NXF3: variants seen among roughly 807,000 people sequenced by gnomAD.
The protein encoded by NXF3 is nuclear RNA export factor 3, also known as TAP-like protein 3.
In NXF3, 34 loss-of-function variants were observed where a neutral mutation model predicts 48.4. The observed-to-expected ratio is 0.70, with a 90% CI of 0.53 to 0.93. The LOEUF is 0.93. NXF3 is among the 40% of genes least tolerant of loss of function. The pLI is 0.00. For missense variants in NXF3, 359 were observed against 406.1 expected (o/e 0.88, Z 1.00); for synonymous variants, 132 against 145.7 (o/e 0.91, Z 0.68).
At position 103,086,773 on chromosome X, in the gene NXF3, CACTG is replaced by C. The variant is rs200970082; in HGVS notation, c.29-1894_29-1891del. On this transcript the variant is annotated intron_variant, in intron 1 of 19. Coordinates refer to ENST00000395065, the MANE Select transcript of NXF3 (RefSeq NM_022052.2). ...AATGGCACGATTCATACCATTTACA[CACTG>C]ACTGACTGAAAGCTTATGTAACCAT... Among the ~76,000 whole-genome samples, 642 of 110,539 alleles carry C rather than the reference CACTG, an allele frequency of 5.8e-3. 7 individuals carry two copies. The highest frequency in any genetic ancestry group is 0.02 in the African/African-American group (598 of 30,378).
In NXF3 at chrX:103,082,355, C is replaced by G; in HGVS notation, c.790G>C (p.Ala264Pro). ...HEENIPTVMSAGEMDKWKGIE... is the reference protein window; with the variant it reads ...HEENIPTVMSPGEMDKWKGIE... ...CCTTTCCACTTGTCCATCTCCCCTG[C>G]AGACATCACCTGCAATTATGCAGAA... The change falls in exon 9 of 20, where the codon GCA (alanine) becomes CCA (proline). Residue 264 changes from alanine (A) to proline (P), a missense_variant. Ala to Pro is a conservative substitution (Grantham distance 27, BLOSUM62 -1). Coordinates refer to ENST00000395065, the MANE Select transcript of NXF3 (RefSeq NM_022052.2). The G allele has an allele frequency of 4.2e-6, 5 of 1,187,708 alleles. No homozygotes were observed. The highest frequency in any genetic ancestry group is 5.7e-6 in the Non-Finnish European group (5 of 874,777).
At chrX:103,082,885 G>A (rs1218068874) in intron 7 of NXF3, 37 bp from the exon 8 acceptor site, 2 of 1,166,401 alleles carry the variant, frequency 1.7e-6, no homozygotes, top group Admixed American at 4.3e-5. Context: ...AGAAGTCTGA[G>A]AGGGACCCGC....
intron 1 of NXF3, chrX:103,088,718 T>C (rs1452900531): frequency 2.9e-6 from 3 of 1,041,024 alleles, no homozygotes; most frequent in Admixed American, 5.5e-5. Flanking sequence ...TTTTTGCTGT[T>C]AATATTTGTA....
intron 1 of NXF3, 148 bp from the exon 2 acceptor site, chrX:103,085,031 C>T: frequency 1.9e-6 from 1 of 526,855 alleles, no homozygotes; most frequent in East Asian, 3.6e-5. Context: ...GTGGCATGAT[C>T]ACCACTCACT....
chrX:103,079,737 A>G, intron 13 of NXF3, 26 bp downstream of exon 13: 1 of 1,199,369 alleles, frequency 8.3e-7, no homozygotes. Context: ...ATGGCCCTGG[A>G]CCAGGGTCGG....
intron 1 of NXF3, among the ~76,000 whole-genome samples, chrX:103,090,625 G>A (rs982892709): frequency 6.2e-4 from 70 of 112,028 alleles, no homozygotes; most frequent in African/African-American, 2.2e-3. Flanking sequence ...TTGAGAATGT[G>A]GATAAAAGAA....
intron 1 of NXF3, among the ~76,000 whole-genome samples, chrX:103,091,856 A>G (rs1410592826): frequency 2.8e-5 from 3 of 108,342 alleles, no homozygotes; most frequent in African/African-American, 1.0e-4. Flanking sequence ...ATGGTGGCGG[A>G]TGCCTGTAGT....
intron 1 of NXF3, among the ~76,000 whole-genome samples, chrX:103,089,917 T>C (rs752237913): frequency 9.0e-6 from 1 of 111,197 alleles, no homozygotes; most frequent in African/African-American, 3.3e-5. Flanking sequence ...TTTTTCTTTT[T>C]TTTTTCCCAG....
At chrX:103,076,396 T>C (rs961146597) in intron 18 of NXF3, 95 bp from the exon 19 acceptor site, 10 of 952,618 alleles carry the variant, frequency 1.0e-5, no homozygotes, top group African/African-American at 3.8e-5. Context: ...AACAGAAACA[T>C]GTCTGTGTTT....
chrX:103,092,365 C>A (rs1390455913), intron 1 of NXF3, among the ~76,000 whole-genome samples: 15 of 107,007 alleles, frequency 1.4e-4, no homozygotes, highest in African/African-American at 2.0e-4. Flanking sequence ...TCAAGTTATA[C>A]AAAAAAAAAG....
chrX:103,089,810 G>A (rs773135688), intron 1 of NXF3, among the ~76,000 whole-genome samples: 1 of 111,880 alleles, frequency 8.9e-6, no homozygotes, highest in African/African-American at 3.2e-5. Flanking sequence ...GGTGAAAATG[G>A]ATGAGAAAAT....
intron 6 of NXF3, 49 bp from the exon 7 acceptor site, chrX:103,083,122 A>G (rs374319641): frequency 8.4e-7 from 1 of 1,184,374 alleles, no homozygotes; most frequent in African/African-American, 1.8e-5. Flanking sequence ...GAGGTGGTGA[A>G]GGGGGCAATA....
At chrX:103,090,295 T>G (rs1014166001) in intron 1 of NXF3, among the ~76,000 whole-genome samples, 5 of 112,302 alleles carry the variant, frequency 4.5e-5, no homozygotes, top group African/African-American at 1.6e-4. Flanking sequence ...TGCAAGAGTC[T>G]AATGCTAAAT....
intron 13 of NXF3, 23 bp downstream of exon 13, chrX:103,079,740 A>G: frequency 8.3e-7 from 1 of 1,199,938 alleles, no homozygotes. Flanking sequence ...GCCCTGGACC[A>G]GGGTCGGAGC....
At position 103,084,817 on chromosome X, in the gene NXF3, C is replaced by T; in HGVS notation, c.95G>A (p.Ser32Asn). 8.3e-7 allele frequency: 1 copy of T among 1,210,891 alleles called. No homozygotes were observed. Among genetic ancestry groups the T allele is most frequent in the South Asian group, 1.8e-5 (1 of 56,983 alleles). ...GCCAGGATTGACAGGTTCAGACCTA[C>T]TGCTAAATCTCCTTTGGTAAATATC... is the stretch of plus-strand genomic sequence containing the variant. ...CWDIYQRRFS[S>N]RSEPVNPGMH... The change falls in exon 2 of 20, where the codon AGT becomes AAT. Residue 32 changes from serine to asparagine, a missense_variant. Transcript: ENST00000395065.
intron 1 of NXF3, among the ~76,000 whole-genome samples, chrX:103,085,738 C>T (rs1922129736): frequency 9.2e-6 from 1 of 108,605 alleles, no homozygotes; most frequent in Admixed American, 9.8e-5. Context: ...ACCCTCTCTA[C>T]TAAAAATACA....
chrX:103,079,743 G>T lies in NXF3; in HGVS notation c.1160+20C>A, dbSNP rs376490922. 12 of 1,198,799 alleles carry T rather than the reference G, an allele frequency of 1.0e-5. No homozygotes were observed. The African/African-American group carries it at 2.1e-4, about 21-fold the overall frequency. On this transcript the variant is annotated intron_variant, in intron 13 of 19. Coordinates refer to ENST00000395065, the MANE Select transcript of NXF3 (RefSeq NM_022052.2). ...GGGAGTCACATGGCCCTGGACCAGG[G>T]TCGGAGCTGTGATACTCACGGGGCT... is the stretch of plus-strand genomic sequence containing the variant.
chrX:103,087,389 G>C (rs1264795382), intron 1 of NXF3: 1 of 1,170,120 alleles, frequency 8.5e-7, no homozygotes, highest in East Asian at 3.0e-5. Flanking sequence ...AAAACCTTTA[G>C]ACAACTAGTT....
chrX:103,087,854 A>T, intron 1 of NXF3: 1 of 966,914 alleles, frequency 1.0e-6, no homozygotes, highest in South Asian at 2.0e-5. Flanking sequence ...TGTTTTTGTC[A>T]AAAAGGTTTT....
Sources: allele counts gnomAD v4.1 joint callset (sites outside exome capture counted in the v4.1 genomes callset), GRCh38; gene constraint gnomAD v4.1.1; transcripts MANE v1.5; gene names NCBI Gene and HGNC (gene_info 2026-07-23, HGNC 2026-07-21).